The following CSPP1 variants were observed in gnomAD, a reference collection of about 807,000 sequenced individuals.
CSPP1 encodes the protein centrosome and spindle pole-associated protein 1.
Under a neutral mutation model 164.4 loss-of-function variants are expected in CSPP1, and 126 were observed. The ratio of observed to expected loss-of-function variants is 0.77; its 90% confidence interval spans 0.66 to 0.89. The LOEUF is 0.89. Ranked by LOEUF, CSPP1 falls within the 40% of genes least tolerant of loss-of-function variation. The pLI is 0.00. For synonymous variants in CSPP1, 472 were observed against 476.7 expected, an observed-to-expected ratio of 0.99 and a Z score of 0.13; for missense variants, 1,395 against 1,449.8, an observed-to-expected ratio of 0.96 and a Z score of 0.61.
chr8:67,148,247 A>G (rs1252554079), intron 17 of CSPP1, among the ~76,000 whole-genome samples: 1 of 152,142 alleles, frequency 6.6e-6, no homozygotes, highest in Admixed American at 6.6e-5. Flanking sequence ...CACTTCTGTA[A>G]CAACCACAAC....
chr8:67,118,910 G>A (rs2129551496), intron 15 of CSPP1, 89 bp downstream of exon 15: 2 of 829,958 alleles, frequency 2.4e-6, no homozygotes, highest in South Asian at 2.9e-5. Context: ...TAACATTTTA[G>A]AGTATACTAT....
chr8:67,080,668 T>C (rs568219588), intron 3 of CSPP1, among the ~76,000 whole-genome samples: 1 of 152,222 alleles, frequency 6.6e-6, no homozygotes, highest in African/African-American at 2.4e-5. Context: ...GTTCAATAAT[T>C]CATAAGAATG....
chr8:67,176,255 TAAC>T, intron 26 of CSPP1, among the ~76,000 whole-genome samples: 1 of 152,242 alleles, frequency 6.6e-6, no homozygotes, highest in South Asian at 2.1e-4. Context: ...AACAATCAGA[TAAC>T]AAGAGTGGAA....
At chr8:67,082,923 T>C (rs1435484760) in intron 3 of CSPP1, among the ~76,000 whole-genome samples, 1 of 152,180 alleles carries the variant, frequency 6.6e-6, no homozygotes, top group Non-Finnish European at 1.5e-5. Flanking sequence ...TAAGTAAGCC[T>C]CACCGTGTTC....
chr8:67,134,510 G>GT (rs962246716), intron 16 of CSPP1: 50 of 134,104 alleles, frequency 3.7e-4, no homozygotes, highest in African/African-American at 8.4e-4. Context: ...AGGCTTTGTT[G>GT]TTTCCTTTCT....
At chr8:67,096,557 T>C (rs1025542561) in intron 7 of CSPP1, among the ~76,000 whole-genome samples, 1 of 149,162 alleles carries the variant, frequency 6.7e-6, no homozygotes, top group Non-Finnish European at 1.5e-5. Context: ...AAGGTGAGAC[T>C]CTGTCTCCAA....
At chr8:67,125,457 C>T (rs923346284) in intron 15 of CSPP1, among the ~76,000 whole-genome samples, 5 of 152,166 alleles carry the variant, frequency 3.3e-5, no homozygotes, top group African/African-American at 7.2e-5. Context: ...GAGTTTGATG[C>T]GCTTATTGGA....
At chr8:67,145,194 AT>A (rs1824283357) in intron 17 of CSPP1, among the ~76,000 whole-genome samples, 1 of 152,058 alleles carries the variant, frequency 6.6e-6, no homozygotes, top group Non-Finnish European at 1.5e-5. Context: ...AGCTTTGGTT[AT>A]TTGAATCATT....
In CSPP1 at chr8:67,152,898, C is replaced by T. The variant is rs73256678; in HGVS notation, c.2129-1126C>T. 5.5e-3 allele frequency among the ~76,000 whole-genome samples: 832 copies of T among 152,182 alleles called. 7 individuals carry two copies. The highest frequency in any genetic ancestry group is 0.019 in the African/African-American group (799 of 41,546). ...CAATTTGCCTATACAAAACTACATG[C>T]GAGAAATACATGCTTTAGGCTGGGC... On this transcript the variant is annotated intron_variant, in intron 18 of 30. Transcript: ENST00000678616.
chr8:67,064,585 G>C, intron 1 of CSPP1, 47 bp downstream of exon 1: 1 of 1,501,234 alleles, frequency 6.7e-7, no homozygotes, highest in Non-Finnish European at 8.9e-7. Flanking sequence ...TCCTGGGGCT[G>C]CATTCGCTGC....
At chr8:67,137,840 C>T (rs553372655) in intron 17 of CSPP1, among the ~76,000 whole-genome samples, 1 of 152,160 alleles carries the variant, frequency 6.6e-6, no homozygotes, top group African/African-American at 2.4e-5. Flanking sequence ...ATGTTGATAA[C>T]CCAGTTGCAG....
intron 28 of CSPP1, among the ~76,000 whole-genome samples, chr8:67,180,680 C>T (rs1832785637): frequency 6.6e-6 from 1 of 152,078 alleles, no homozygotes; most frequent in South Asian, 2.1e-4. Context: ...TTGAGTTTTG[C>T]AAAATGTTAC....
intron 21 of CSPP1, among the ~76,000 whole-genome samples, chr8:67,160,104 A>AT (rs1828031131): frequency 7.1e-6 from 1 of 140,730 alleles, no homozygotes; most frequent in South Asian, 2.2e-4. Flanking sequence ...CTGATCTCAA[A>AT]TTTTTGGGCT....
chr8:67,068,261 C>T (rs1028790575), intron 1 of CSPP1, among the ~76,000 whole-genome samples: 2 of 152,114 alleles, frequency 1.3e-5, no homozygotes, highest in Non-Finnish European at 2.9e-5. Context: ...ATAGATTAGG[C>T]ATAGAGCAGT....
At chr8:67,160,890 A>G (rs544289095) in intron 21 of CSPP1, among the ~76,000 whole-genome samples, 26 of 152,142 alleles carry the variant, frequency 1.7e-4, no homozygotes, top group African/African-American at 5.8e-4. Flanking sequence ...GCAGTGGTGC[A>G]ATCTCGGCTC....
At chr8:67,071,374 G>GTTT (rs561318240) in intron 1 of CSPP1, among the ~76,000 whole-genome samples, 1 of 132,420 alleles carries the variant, frequency 7.6e-6, no homozygotes, top group African/African-American at 3.0e-5. Flanking sequence ...TATTCCCTCT[G>GTTT]TTTTTTTTTT....
At chr8:67,149,728 A>G in intron 17 of CSPP1, 55 bp from the exon 18 acceptor site, 15 of 1,236,848 alleles carry the variant, frequency 1.2e-5, no homozygotes, top group South Asian at 2.2e-5. Flanking sequence ...TATATTTTGC[A>G]TGCCAATTAC....
At chr8:67,084,851 T>C (rs1272258809) in intron 3 of CSPP1, among the ~76,000 whole-genome samples, 1 of 152,230 alleles carries the variant, frequency 6.6e-6, no homozygotes, top group Middle Eastern at 3.2e-3. Context: ...GCTTCAGATC[T>C]GAATACTCAT....
intron 17 of CSPP1, among the ~76,000 whole-genome samples, chr8:67,140,116 A>T (rs1418953178): frequency 1.3e-5 from 2 of 151,900 alleles, no homozygotes; most frequent in Non-Finnish European, 2.9e-5. Context: ...ACAGAGTTTC[A>T]CTCTGTCACC....
Sources: allele counts gnomAD v4.1 joint callset (sites outside exome capture counted in the v4.1 genomes callset), GRCh38; gene constraint gnomAD v4.1.1; transcripts MANE v1.5; gene names NCBI Gene and HGNC (gene_info 2026-07-23, HGNC 2026-07-21).